STPG2: variants seen among roughly 807,000 people sequenced by gnomAD.
STPG2 encodes the protein sperm tail PG-rich repeat containing 2.
In STPG2, 56 loss-of-function variants were observed where a neutral mutation model predicts 54.2. The observed-to-expected ratio is 1.03, with a 90% CI of 0.83 to 1.29. STPG2 has a LOEUF of 1.29. STPG2 is among the 50% of genes most tolerant of loss of function. The pLI is 0.00. For synonymous variants in STPG2, 200 were observed against 181.8 expected, an observed-to-expected ratio of 1.10 and a Z score of -0.81; for missense variants, 596 against 544.9, an observed-to-expected ratio of 1.09 and a Z score of -0.93.
intron 8 of STPG2, among the ~76,000 whole-genome samples, chr4:97,846,934 T>A (rs1244224393): frequency 6.6e-6 from 1 of 152,234 alleles, no homozygotes; most frequent in African/African-American, 2.4e-5. Flanking sequence ...TAGTTAAGTA[T>A]ATTCTAGTCT....
At chr4:97,786,965 T>G (rs1355892558) in intron 9 of STPG2, among the ~76,000 whole-genome samples, 3 of 152,154 alleles carry the variant, frequency 2.0e-5, no homozygotes, top group Admixed American at 2.0e-4. Context: ...ATAGGTACAT[T>G]CCAGTACTGC....
chr4:97,613,895 A>G (rs573666433), intron 10 of STPG2, among the ~76,000 whole-genome samples: 6 of 152,082 alleles, frequency 3.9e-5, no homozygotes, highest in South Asian at 2.1e-4. Flanking sequence ...AATTTTCCCA[A>G]TGAGCTCTGG....
intron 8 of STPG2, among the ~76,000 whole-genome samples, chr4:97,870,394 T>C (rs1729943635): frequency 2.0e-5 from 3 of 151,256 alleles, no homozygotes; most frequent in South Asian, 4.2e-4. Flanking sequence ...AATAATAAAA[T>C]ACATACAATT....
At chr4:97,792,349 CT>C (rs1315563803) in intron 9 of STPG2, among the ~76,000 whole-genome samples, 1 of 152,126 alleles carries the variant, frequency 6.6e-6, no homozygotes, top group Admixed American at 6.6e-5. Context: ...GACACTAAAA[CT>C]TTAATTAATC....
chr4:97,664,046 T>C (rs1722451382), intron 10 of STPG2, among the ~76,000 whole-genome samples: 1 of 152,214 alleles, frequency 6.6e-6, no homozygotes, highest in Non-Finnish European at 1.5e-5. Flanking sequence ...ACATATGGCA[T>C]AGATATTCAT....
chr4:97,923,676 G>T lies in STPG2; in HGVS notation c.1044+20221C>A, dbSNP rs879357696. ...TGTTGGGTACTTGGAGAATCTTTTTGTCTAGCTAAGGGATTGTGAATGCAC... is the reference window on the plus strand; with the variant it reads ...TGTTGGGTACTTGGAGAATCTTTTTTTCTAGCTAAGGGATTGTGAATGCAC... On this transcript the variant is annotated intron_variant, in intron 8 of 10. Coordinates refer to ENST00000295268, the MANE Select transcript of STPG2 (RefSeq NM_174952.3). Among the ~76,000 whole-genome samples, 90 of 152,254 alleles carry T rather than the reference G, an allele frequency of 5.9e-4. 1 individual carries two copies. The highest frequency in any genetic ancestry group is 1.5e-3 in the East Asian group (8 of 5,162).
rs531870001 is a variant in STPG2 at position 97,737,817 on chromosome 4, T to C, written c.1205-25003A>G. On this transcript the variant is annotated intron_variant, in intron 9 of 10. Coordinates refer to ENST00000295268, the MANE Select transcript of STPG2 (RefSeq NM_174952.3). ...ATATTATCCAGGAGAACTTCCCCAATCTAGCAAGGCAGGCCAACATTCAGA... is the reference window on the plus strand; with the variant it reads ...ATATTATCCAGGAGAACTTCCCCAACCTAGCAAGGCAGGCCAACATTCAGA... Among the ~76,000 whole-genome samples, 29 of 152,202 alleles carry C rather than the reference T, an allele frequency of 1.9e-4. No homozygotes were observed. The South Asian group carries it at 4.1e-3, about 22-fold the overall frequency.
chr4:97,476,095 G>A (rs1415802335), intron 4 of STPG2, among the ~76,000 whole-genome samples: 2 of 152,108 alleles, frequency 1.3e-5, no homozygotes, highest in African/African-American at 4.8e-5. Context: ...TTAAATCAAT[G>A]AATGTATGAA....
At chr4:97,903,407 A>T (rs943879180) in intron 8 of STPG2, among the ~76,000 whole-genome samples, 3 of 152,234 alleles carry the variant, frequency 2.0e-5, no homozygotes, top group African/African-American at 7.2e-5. Context: ...AAATTAAAAA[A>T]TGGCCAAAAA....
chr4:97,824,613 C>A (rs911706372), intron 9 of STPG2, among the ~76,000 whole-genome samples: 1 of 152,114 alleles, frequency 6.6e-6, no homozygotes. Context: ...GGGAGCTTGA[C>A]CTTGTAACCA....
intron 10 of STPG2, among the ~76,000 whole-genome samples, chr4:97,677,626 G>A (rs1341070327): frequency 6.6e-6 from 1 of 152,140 alleles, no homozygotes; most frequent in Non-Finnish European, 1.5e-5. Context: ...GCAAATTTGG[G>A]ATTATTTCCT....
At chr4:97,443,006 A>G (rs1729128560) in intron 4 of STPG2, among the ~76,000 whole-genome samples, 1 of 152,154 alleles carries the variant, frequency 6.6e-6, no homozygotes, top group Non-Finnish European at 1.5e-5. Flanking sequence ...TGGTAAAGAA[A>G]TTCAGACATG....
intron 9 of STPG2, among the ~76,000 whole-genome samples, chr4:97,830,856 C>T (rs796436573): frequency 1.1e-4 from 16 of 152,258 alleles, no homozygotes; most frequent in African/African-American, 3.4e-4. Flanking sequence ...AATACAGGAG[C>T]ACCCAGATTC....
intron 5 of STPG2, among the ~76,000 whole-genome samples, chr4:98,005,162 T>G (rs1409722566): frequency 6.6e-6 from 1 of 152,080 alleles, no homozygotes; most frequent in Non-Finnish European, 1.5e-5. Flanking sequence ...GCCAGAAGAC[T>G]CAGCAAGTCA....
At chr4:97,444,719 G>A (rs1268074034) in intron 4 of STPG2, among the ~76,000 whole-genome samples, 1 of 151,956 alleles carries the variant, frequency 6.6e-6, no homozygotes, top group Non-Finnish European at 1.5e-5. Context: ...TAAATATGTG[G>A]GTAAATCAAA....
chr4:97,449,617 A>T (rs965975804), intron 4 of STPG2, among the ~76,000 whole-genome samples: 1 of 152,220 alleles, frequency 6.6e-6, no homozygotes, highest in Non-Finnish European at 1.5e-5. Flanking sequence ...GTCCTAACAT[A>T]GCTATATCAA....
chr4:97,723,143 T>C (rs921753754), intron 9 of STPG2, among the ~76,000 whole-genome samples: 1 of 152,008 alleles, frequency 6.6e-6, no homozygotes, highest in Non-Finnish European at 1.5e-5. Context: ...ATTGGAGATA[T>C]TTCTTCTTTC....
intron 7 of STPG2, among the ~76,000 whole-genome samples, chr4:97,951,254 A>G (rs535784438): frequency 5.9e-5 from 9 of 152,262 alleles, no homozygotes; most frequent in South Asian, 2.1e-4. Context: ...CTGGTCTCTC[A>G]TACAGACAGC....
intron 10 of STPG2, among the ~76,000 whole-genome samples, chr4:97,698,717 C>T (rs915130409): frequency 6.6e-6 from 1 of 152,044 alleles, no homozygotes; most frequent in African/African-American, 2.4e-5. Context: ...CATTCATGGC[C>T]TTCTGGAATA....
Sources: gnomAD v4.1 joint callset for allele counts (sites outside exome capture counted in the v4.1 genomes callset) on GRCh38, gnomAD v4.1.1 for gene constraint, MANE v1.5 for transcripts, NCBI Gene and HGNC (gene_info 2026-07-23, HGNC 2026-07-21) for gene names.